FMNL3: variants seen among roughly 807,000 people sequenced by gnomAD.
The protein encoded by FMNL3 is formin-like protein 3.
FMNL3 carries 57 observed loss-of-function variants against 119.6 expected under a neutral mutation model. That is an observed-to-expected ratio of 0.48 (90% CI 0.39 to 0.59). The LOEUF (loss-of-function observed/expected upper bound fraction) is 0.59. Among genes scored for constraint, FMNL3 ranks in the 20% least tolerant of loss-of-function variants. The pLI is 0.00. For missense variants in FMNL3, 1,053 were observed against 1,323.5 expected, an observed-to-expected ratio of 0.80 and a Z score of 3.17; for synonymous variants, 491 against 507.3, an observed-to-expected ratio of 0.97 and a Z score of 0.43.
At chr12:49,670,828 C>A (rs1944026041) in intron 1 of FMNL3, among the ~76,000 whole-genome samples, 1 of 152,198 alleles carries the variant, frequency 6.6e-6, no homozygotes, top group African/African-American at 2.4e-5. Flanking sequence ...GAGCAAGAGG[C>A]CTCAACAAAA....
At position 49,656,506 on chromosome 12, in the gene FMNL3, T is replaced by C; in HGVS notation, c.792-9A>G. ...AGACAAGGGCTTTGGTCCTAAGGGG[T>C]GAAGAAGGAAGATTAACACCCTAAC... On this transcript the variant is annotated splice_polypyrimidine_tract_variant and intron_variant, in intron 8 of 25. Coordinates refer to ENST00000335154, the MANE Select transcript of FMNL3 (RefSeq NM_175736.5). 1.2e-6 allele frequency: 2 copies of C among 1,611,802 alleles called. No individual in the cohort carries two copies. Among genetic ancestry groups the C allele is most frequent in the Non-Finnish European group, 1.7e-6 (2 of 1,178,928 alleles).
At chr12:49,678,208 A>G (rs1351564690) in intron 1 of FMNL3, among the ~76,000 whole-genome samples, 1 of 150,974 alleles carries the variant, frequency 6.6e-6, no homozygotes, top group Non-Finnish European at 1.5e-5. Flanking sequence ...CCCAGGCTGG[A>G]GTGCAGTGGT....
chr12:49,649,915 G>C lies in FMNL3; in HGVS notation c.2011C>G (p.Gln671Glu), dbSNP rs780735378. ...TCCACGAAGTCCACAGGTAGTGTCTGCAAGTCAAACCTGTGGAGGAGGGAG... is the reference window on the plus strand; with the variant it reads ...TCCACGAAGTCCACAGGTAGTGTCTCCAAGTCAAACCTGTGGAGGAGGGAG... ...ICRAIHTFDL[Q>E]TLPVDFVECL... The change falls in exon 18 of 26, where the codon CAG becomes GAG. Residue 671 changes from glutamine (Q) to glutamate (E), a missense_variant. Gln to Glu is a conservative substitution (Grantham distance 29). Around this residue, in one of 4 missense-constraint regions of FMNL3, gnomAD observed 445 missense variants for 628.4 expected, o/e 0.71. Transcript: ENST00000335154. The surrounding 1 kb of genome is among the most constrained non-coding windows in gnomAD (Gnocchi z 5.6). 6.2e-7 allele frequency: 1 copy of C among 1,613,514 alleles called. No individual in the cohort carries two copies. The highest frequency in any genetic ancestry group is 1.1e-5 in the South Asian group (1 of 91,046).
At chr12:49,694,357 A>T (rs982916172) in intron 1 of FMNL3, among the ~76,000 whole-genome samples, 1 of 152,210 alleles carries the variant, frequency 6.6e-6, no homozygotes, top group African/African-American at 2.4e-5. Flanking sequence ...AGGAGTGGAC[A>T]ATCAGGCTCT....
chr12:49,663,195 C>T (rs1363004112), intron 4 of FMNL3, among the ~76,000 whole-genome samples: 1 of 152,232 alleles, frequency 6.6e-6, no homozygotes, highest in Non-Finnish European at 1.5e-5. Context: ...CTCCAGCTCC[C>T]CACCCCCTTC....
At chr12:49,662,992 T>A (rs1308309990) in intron 4 of FMNL3, among the ~76,000 whole-genome samples, 1 of 152,146 alleles carries the variant, frequency 6.6e-6, no homozygotes, top group Non-Finnish European at 1.5e-5. Flanking sequence ...GGGGCCTTTC[T>A]CCCCAACAGC....
At chr12:49,676,598 G>A (rs943185629) in intron 1 of FMNL3, among the ~76,000 whole-genome samples, 1 of 149,812 alleles carries the variant, frequency 6.7e-6, no homozygotes, top group Admixed American at 6.7e-5. Context: ...TTAAGGGTAG[G>A]GGCCGTCTTA....
chr12:49,695,874 G>A (rs1378574477), intron 1 of FMNL3, among the ~76,000 whole-genome samples: 2 of 151,216 alleles, frequency 1.3e-5, no homozygotes, highest in Admixed American at 1.3e-4. Context: ...AGAAACAAAC[G>A]TTCCATCCAT....
intron 9 of FMNL3, 120 bp downstream of exon 9, chr12:49,656,284 T>G (rs913010065): frequency 1.0e-5 from 7 of 699,856 alleles, no homozygotes; most frequent in Non-Finnish European, 1.4e-5. Context: ...AGAGGCTGCT[T>G]GGCCAAGCAT....
At chr12:49,675,578 C>T (rs929477033) in intron 1 of FMNL3, among the ~76,000 whole-genome samples, 9 of 152,156 alleles carry the variant, frequency 5.9e-5, no homozygotes, top group Non-Finnish European at 1.3e-4. Flanking sequence ...AGTCTCCCTC[C>T]CAAGGTCTCT....
At chr12:49,698,557 C>G (rs1334374534) in intron 1 of FMNL3, among the ~76,000 whole-genome samples, 1 of 151,530 alleles carries the variant, frequency 6.6e-6, no homozygotes, top group Non-Finnish European at 1.5e-5. Flanking sequence ...ATGTCCTCCC[C>G]TACCCAACAC....
chr12:49,643,572 C>G lies in FMNL3; in HGVS notation c.*2243G>C, dbSNP rs1942952601. On this transcript the variant is annotated 3_prime_UTR_variant, in exon 26 of 26. Coordinates refer to ENST00000335154, the MANE Select transcript of FMNL3 (RefSeq NM_175736.5). Reference sequence around the variant, plus strand: ...AAGAAGCTGGAGAAGGAAAACTGGACTTAGACTTCCTCAGAGCATGAGGTT... The same window carrying G: ...AAGAAGCTGGAGAAGGAAAACTGGAGTTAGACTTCCTCAGAGCATGAGGTT... 3 of 1,373,296 alleles carry G rather than the reference C, an allele frequency of 2.2e-6. No individual in the cohort carries two copies. The highest frequency in any genetic ancestry group is 2.0e-6 in the Non-Finnish European group (2 of 1,015,370). The allele number at this position is 1,373,296 out of a possible 1,614,324, so 85.1% of individuals were successfully genotyped here.
chr12:49,680,250 C>A (rs986570256), intron 1 of FMNL3, among the ~76,000 whole-genome samples: 1 of 152,206 alleles, frequency 6.6e-6, no homozygotes, highest in African/African-American at 2.4e-5. Context: ...TATTATAAAG[C>A]CATAAAACTT....
Position 49,641,802 on chromosome 12 carries a change from T to C in FMNL3, c.*4013A>G, listed in dbSNP as rs1264732994. On this transcript the variant is annotated 3_prime_UTR_variant, in exon 26 of 26. Coordinates refer to ENST00000335154, the MANE Select transcript of FMNL3 (RefSeq NM_175736.5). ...GCAGACCACAGTCCTGTGGATCTCT[T>C]CCAGAGGCAAGGGCCTTCTTGACCA... 2.2e-6 allele frequency: 2 copies of C among 896,048 alleles called. No individual in the cohort carries two copies. Among genetic ancestry groups the C allele is most frequent in the East Asian group, 4.9e-5 (2 of 41,110 alleles). 55.5% of individuals were successfully genotyped at this position (896,048 alleles called of 1,614,324 possible).
chr12:49,672,898 A>T lies in FMNL3; in HGVS notation c.127-4344T>A, dbSNP rs544677772. 6.6e-5 allele frequency among the ~76,000 whole-genome samples: 10 copies of T among 152,366 alleles called. No homozygotes were observed. In the East Asian group the frequency reaches 1.9e-3, roughly 29 times the overall value. ...TTCCCAACTGTTTTTGTTGGTCCCT[A>T]TCATGATAAATCTTAGGAACAGAGA... On this transcript the variant is annotated intron_variant, in intron 1 of 25. Transcript: ENST00000335154.
intron 1 of FMNL3, among the ~76,000 whole-genome samples, chr12:49,680,629 GA>G (rs1458756889): frequency 3.9e-5 from 6 of 152,090 alleles, no homozygotes; most frequent in Non-Finnish European, 7.4e-5. Context: ...GTACAGCTAG[GA>G]AAAAACACCT....
intron 25 of FMNL3, 82 bp from the exon 26 acceptor site, chr12:49,645,985 G>T: frequency 1.6e-6 from 2 of 1,254,714 alleles, no homozygotes; most frequent in South Asian, 2.7e-5. Context: ...CACAGGTAGG[G>T]CCAGGGAGGA....
At position 49,661,953 on chromosome 12, in the gene FMNL3, G is replaced by C. The variant is rs1258185189; in HGVS notation, c.452+13C>G. 6.2e-7 allele frequency: 1 copy of C among 1,613,278 alleles called. No homozygotes were observed. Among genetic ancestry groups the C allele is most frequent in the African/African-American group, 1.3e-5 (1 of 74,862 alleles). On this transcript the variant is annotated intron_variant, in intron 5 of 25. Transcript: ENST00000335154. ...CAACTGGTCCCCAACTTCAGCCCCG[G>C]GGTGGTACTCACATGACAGAACACT... is the stretch of plus-strand genomic sequence containing the variant.
chr12:49,642,879 C>A lies in FMNL3; in HGVS notation c.*2936G>T. On this transcript the variant is annotated 3_prime_UTR_variant, in exon 26 of 26. Transcript: ENST00000335154. This position sits in a 1 kb window ranked among gnomAD's most constrained non-coding sequence, Gnocchi z 5.8. ...CAGATTTTAGGAAGTAGGATCCTTCCTGGGGCTAAGTCTGGTGCTGTCCTC... is the reference window on the plus strand; with the variant it reads ...CAGATTTTAGGAAGTAGGATCCTTCATGGGGCTAAGTCTGGTGCTGTCCTC... The A allele has an allele frequency of 6.4e-7, 1 of 1,566,672 alleles. No individual in the cohort carries two copies. Among genetic ancestry groups the A allele is most frequent in the Non-Finnish European group, 8.7e-7 (1 of 1,150,354 alleles).
Sources: allele counts gnomAD v4.1 joint callset (sites outside exome capture counted in the v4.1 genomes callset), GRCh38; gene constraint gnomAD v4.1.1; regional missense constraint gnomAD v4.1.1; non-coding constraint Gnocchi (gnomAD v3.1); transcripts MANE v1.5; gene names NCBI Gene and HGNC (gene_info 2026-07-23, HGNC 2026-07-21).